VSIG8: variants seen among roughly 807,000 people sequenced by gnomAD.
VSIG8 encodes the protein V-set and immunoglobulin domain containing 8.
A neutral mutation model predicts 42.6 loss-of-function variants in VSIG8; 32 were observed. The observed-to-expected ratio is 0.75, with a 90% CI of 0.57 to 1.01. VSIG8 has a LOEUF of 1.01. Among genes scored for constraint, VSIG8 ranks in the 50% least tolerant of loss-of-function variants. The probability of loss-of-function intolerance (pLI) is 0.00; values close to 1 mark genes in which losing one functional copy is unlikely to be tolerated. For missense variants in VSIG8, 529 were observed against 558.0 expected (o/e 0.95, Z 0.52); for synonymous variants, 290 against 243.8 (o/e 1.19, Z -1.77).
rs1311541161 is a variant in VSIG8, at chr1:159,854,974, TG to T, written c.1023del (p.Thr342ProfsTer116). The T allele has an allele frequency of 6.4e-7, 1 of 1,551,252 alleles. No individual in the cohort carries two copies. The highest frequency in any genetic ancestry group is 1.2e-5 in the South Asian group (1 of 85,040). The stretch of plus-strand genomic sequence containing the variant: ...TGCGTCGGGTACCCCAGGAGGTGGG[TG>T]ACGCGGCTGCCGCGCCCGCTGGCCT... Reference protein sequence around the residue: ...GCKASGRGSRVTHLLGYPTQN... With the variant: ...GCKASGRGSRXTHLLGYPTQN... On this transcript the variant is annotated frameshift_variant, in exon 7 of 7. Transcript: ENST00000368100. LOFTEE classifies it high-confidence loss of function.
chr1:159,862,287 T>G, intron 1 of VSIG8, 186 bp downstream of exon 1: 1 of 567,318 alleles, frequency 1.8e-6, no homozygotes, highest in Admixed American at 3.3e-5. Context: ...ACCCTGAACA[T>G]CAGGCACAGG....
rs754868464 is a variant in VSIG8, at chr1:159,854,767, C to T, written c.1231G>A (p.Gly411Ser). 3.3e-6 allele frequency: 5 copies of T among 1,494,114 alleles called. No homozygotes were observed. Among genetic ancestry groups the T allele is most frequent in the South Asian group, 1.2e-5 (1 of 80,438 alleles). The allele number at this position is 1,494,114 out of a possible 1,614,324, so 92.6% of individuals were successfully genotyped here. ...CAEGPVQCKN[G>S]LLV The stretch of plus-strand genomic sequence containing the variant: ...GGCGCGCGCGCTCACACCAAGAGGC[C>T]GTTCTTGCACTGCACCGGCCCCTCG... The change falls in exon 7 of 7, where the codon GGC becomes AGC. Residue 411 changes from glycine (G) to serine (S), a missense_variant. Physicochemically the swap from Gly to Ser is moderately conservative, Grantham distance 56 (BLOSUM62 0). Coordinates refer to ENST00000368100, the MANE Select transcript of VSIG8 (RefSeq NM_001013661.1).
chr1:159,855,954 G>T lies in VSIG8; in HGVS notation c.900C>A (p.Arg300=). The T allele has an allele frequency of 6.3e-7, 1 of 1,580,608 alleles. No individual in the cohort carries two copies. The highest frequency in any genetic ancestry group is 1.1e-5 in the South Asian group (1 of 87,648). ...CGCCGTTGCCGTAGCCGAAGGCACC[G>T]CGGGCGCCGCCAGCCCCGGAGCCCC... ...CCGGSGAGGA[R]GAFGYGNGGG... is the part of the protein sequence containing the mutation. Residue 300 remains arginine, a synonymous_variant, in exon 6 of 7, where the codon CGC becomes CGA. Transcript: ENST00000368100.
chr1:159,856,512 T>G lies in VSIG8; in HGVS notation c.772+12A>C. On this transcript the variant is annotated intron_variant, in intron 5 of 6. Transcript: ENST00000368100. ...CTCCCAACCACCCAGCCCTCAAGAC[T>G]GCTGCACCTACCTGAGACCTTCACC... 1 of 1,613,694 alleles carries G rather than the reference T, an allele frequency of 6.2e-7. No individual in the cohort carries two copies. The highest frequency in any genetic ancestry group is 8.5e-7 in the Non-Finnish European group (1 of 1,179,788).
Position 159,855,873 on chromosome 1 carries a change from C to A in VSIG8, c.971+10G>T. Reference sequence around the variant, plus strand: ...CCGCACAGCAGCATGCAGCATGCATCAGGTTTTACCTGATCTCACTAGCCA... The same window carrying A: ...CCGCACAGCAGCATGCAGCATGCATAAGGTTTTACCTGATCTCACTAGCCA... On this transcript the variant is annotated intron_variant, in intron 6 of 6. Coordinates refer to ENST00000368100, the MANE Select transcript of VSIG8 (RefSeq NM_001013661.1). 1 of 1,548,724 alleles carries A rather than the reference C, an allele frequency of 6.5e-7. No individual in the cohort carries two copies. The highest frequency in any genetic ancestry group is 8.7e-7 in the Non-Finnish European group (1 of 1,154,720).
In VSIG8 at chr1:159,856,563, C is replaced by G; in HGVS notation, c.733G>C (p.Val245Leu). 6.2e-7 allele frequency: 1 copy of G among 1,614,194 alleles called. No individual in the cohort carries two copies. The highest frequency in any genetic ancestry group is 1.1e-5 in the South Asian group (1 of 91,082). The change falls in exon 5 of 7, where the codon GTG becomes CTG. Residue 245 changes from valine (V) to leucine (L), a missense_variant. By Grantham distance (32) the Val-to-Leu change is conservative. Coordinates refer to ENST00000368100, the MANE Select transcript of VSIG8 (RefSeq NM_001013661.1). The stretch of plus-strand genomic sequence containing the variant: ...TCCACCACACAAACACTGTAGCCCA[C>G]GTTGTTGGCCACTGTGCACTGATAC... ...GLYQCTVANN[V>L]GYSVCVVEVK...
chr1:159,861,445 T>C (rs1649018625), intron 1 of VSIG8: 1 of 152,154 alleles, frequency 6.6e-6, no homozygotes, highest in South Asian at 2.1e-4. Flanking sequence ...CACACACCCA[T>C]TGACACACCA....
rs1648798705 is a variant in VSIG8 at position 159,855,810 on chromosome 1, G to A, written c.971+73C>T. The stretch of plus-strand genomic sequence containing the variant: ...GGGTGGGGGGCCCAGCCGGCCGGTG[G>A]CAGGCAGGAGTGAGGTGGGCAGGGC... On this transcript the variant is annotated intron_variant, in intron 6 of 6. Transcript: ENST00000368100. 3.4e-6 allele frequency: 5 copies of A among 1,468,242 alleles called. No individual in the cohort carries two copies. The South Asian group carries it at 5.7e-5, about 17-fold the overall frequency. 91.0% of individuals were successfully genotyped at this position (1,468,242 alleles called of 1,614,324 possible).
intron 1 of VSIG8, chr1:159,860,852 T>C (rs961745627): frequency 6.6e-6 from 1 of 152,300 alleles, no homozygotes; most frequent in African/African-American, 2.4e-5. Context: ...ATGGTAAGCA[T>C]TCAGGGAGAG....
rs777235512 is a variant in VSIG8, at chr1:159,854,833, C to A, written c.1165G>T (p.Val389Phe). Residue 389 changes from valine (V) to phenylalanine (F), a missense_variant, in exon 7 of 7, where the codon GTC becomes TTC. Transcript: ENST00000368100. ...AAACEAGPSP[V>F]YVKVKSAEPA... ...TCCGCGCTCTTGACCTTGACGTAGA[C>A]CGGGGAGGGGCCCGCTTCGCAGGCG... The A allele has an allele frequency of 1.3e-6, 2 of 1,494,682 alleles. No individual in the cohort carries two copies. Among genetic ancestry groups the A allele is most frequent in the South Asian group, 2.5e-5 (2 of 79,912 alleles). 92.6% of individuals were successfully genotyped at this position (1,494,682 alleles called of 1,614,324 possible).
intron 5 of VSIG8, 82 bp from the exon 6 acceptor site, chr1:159,856,163 C>G: frequency 7.0e-7 from 1 of 1,422,946 alleles, no homozygotes. Context: ...GGTGCCAGGT[C>G]AGGGGTTAAT....
chr1:159,854,877 G>T lies in VSIG8; in HGVS notation c.1121C>A (p.Ala374Glu), dbSNP rs1648754396. The T allele has an allele frequency of 1.4e-6, 2 of 1,471,954 alleles. No individual in the cohort carries two copies. Among genetic ancestry groups the T allele is most frequent in the Non-Finnish European group, 1.8e-6 (2 of 1,121,168 alleles). The allele number at this position is 1,471,954 out of a possible 1,614,324, so 91.2% of individuals were successfully genotyped here. ...PCGGPEDVALAPCTAAAACEA... is the reference protein window; with the variant it reads ...PCGGPEDVALEPCTAAAACEA... The stretch of plus-strand genomic sequence containing the variant: ...GCAGGCGGCGGCGGCGGTGCAGGGC[G>T]CCAGGGCCACGTCCTCGGGGCCGCC... Residue 374 changes from alanine to glutamate, a missense_variant, in exon 7 of 7, where the codon GCG (alanine) becomes GAG (glutamate). Coordinates refer to ENST00000368100, the MANE Select transcript of VSIG8 (RefSeq NM_001013661.1).
chr1:159,857,043 C>CT (rs762722104), intron 4 of VSIG8, among the ~76,000 whole-genome samples: 13 of 152,202 alleles, frequency 8.5e-5, no homozygotes, highest in Non-Finnish European at 1.9e-4. Flanking sequence ...GTACTAGGAG[C>CT]TTTACACACC....
At chr1:159,859,982 T>G (rs575940814) in intron 1 of VSIG8, among the ~76,000 whole-genome samples, 58 of 152,096 alleles carry the variant, frequency 3.8e-4, no homozygotes, top group African/African-American at 1.3e-3. Context: ...CCGGGGGGTG[T>G]AGCCAGGGCC....
chr1:159,858,585 C>A, intron 2 of VSIG8, 149 bp downstream of exon 2: 1 of 888,640 alleles, frequency 1.1e-6, no homozygotes, highest in East Asian at 2.6e-5. Context: ...GCTTAATTCA[C>A]AATTGCAGAG....
intron 1 of VSIG8, among the ~76,000 whole-genome samples, chr1:159,860,315 G>GAT (rs776605027): frequency 1.2e-4 from 18 of 152,152 alleles, no homozygotes; most frequent in Non-Finnish European, 2.2e-4. Context: ...ACACTATATA[G>GAT]ATTCATTCAG....
At chr1:159,856,771 CCACACACA>C in intron 4 of VSIG8, 128 bp from the exon 5 acceptor site, 1 of 890,304 alleles carries the variant, frequency 1.1e-6, no homozygotes, top group Non-Finnish European at 1.6e-6. Context: ...ACACCCACAC[CCACACACA>C]CACACACACA....
chr1:159,858,205 G>T lies in VSIG8; in HGVS notation c.315C>A (p.Ser105Arg). ...QRVRFAASDP[S>R]QYDASINLMN... ...TGAGGTTGATGGAGGCATCGTACTG[G>T]CTTGGGTCTGAGGCTGCAAAGCGGA... is the stretch of plus-strand genomic sequence containing the variant. The change falls in exon 3 of 7, where the codon AGC (serine) becomes AGA (arginine). Residue 105 changes from serine to arginine, a missense_variant. By Grantham distance (110) the Ser-to-Arg change is moderately radical (BLOSUM62 -1). Transcript: ENST00000368100. 6.2e-7 allele frequency: 1 copy of T among 1,614,218 alleles called. No individual in the cohort carries two copies. Among genetic ancestry groups the T allele is most frequent in the South Asian group, 1.1e-5 (1 of 91,076 alleles).
In VSIG8 at chr1:159,858,782, G is replaced by A. The variant is rs139423041; in HGVS notation, c.180C>T (p.Ile60=). 2.7e-5 allele frequency: 43 copies of A among 1,613,786 alleles called. No individual in the cohort carries two copies. Among genetic ancestry groups the A allele is most frequent in the Admixed American group, 3.3e-5 (2 of 59,980 alleles). Residue 60 remains isoleucine (I), a synonymous_variant, in exon 2 of 7, where the codon ATC becomes ATT. Coordinates refer to ENST00000368100, the MANE Select transcript of VSIG8 (RefSeq NM_001013661.1). ...PEDYGPNGLD[I]EWMQVNSDPA... is the part of the protein sequence containing the mutation. ...GGTCTGAGTTGACCTGCATCCACTCGATGTCCAGCCCATTGGGACCATAGT... is the reference window on the plus strand; with the variant it reads ...GGTCTGAGTTGACCTGCATCCACTCAATGTCCAGCCCATTGGGACCATAGT...
Sources: allele counts gnomAD v4.1 joint callset (sites outside exome capture counted in the v4.1 genomes callset), GRCh38; gene constraint gnomAD v4.1.1; transcripts MANE v1.5; gene names NCBI Gene and HGNC (gene_info 2026-07-23, HGNC 2026-07-21).